PTPRN2: variants seen among roughly 807,000 people sequenced by gnomAD.
PTPRN2 encodes receptor-type tyrosine-protein phosphatase N2.
A neutral mutation model predicts 118.8 loss-of-function variants in PTPRN2; 74 were observed. That is an observed-to-expected ratio of 0.62 (90% CI 0.52 to 0.76). PTPRN2 has a LOEUF of 0.76. Among genes scored for constraint, PTPRN2 ranks in the 30% least tolerant of loss-of-function variants. The pLI, the probability that PTPRN2 is intolerant of heterozygous loss-of-function variation, is 0.00. For synonymous variants in PTPRN2, 641 were observed against 608.0 expected (o/e 1.05, Z -0.80); for missense variants, 1,481 against 1,394.4 (o/e 1.06, Z -0.99).
At chr7:157,631,777 A>G (rs1306353629) in intron 14 of PTPRN2, among the ~76,000 whole-genome samples, 2 of 151,260 alleles carry the variant, frequency 1.3e-5, no homozygotes, top group African/African-American at 4.9e-5. Context: ...GCTTGCAGTG[A>G]GCCGAGATTG....
chr7:158,273,103 G>C (rs1449333229), intron 3 of PTPRN2, among the ~76,000 whole-genome samples: 1 of 149,246 alleles, frequency 6.7e-6, no homozygotes, highest in East Asian at 2.0e-4. Context: ...CCAGGGCTGT[G>C]GGACGAAGGG....
intron 12 of PTPRN2, among the ~76,000 whole-genome samples, chr7:157,851,779 C>T (rs531267277): frequency 2.0e-5 from 3 of 152,228 alleles, no homozygotes; most frequent in Non-Finnish European, 4.4e-5. Context: ...CTCTCACATG[C>T]GGAATTTGGC....
At chr7:158,498,218 C>T (rs893554788) in intron 1 of PTPRN2, among the ~76,000 whole-genome samples, 1 of 152,238 alleles carries the variant, frequency 6.6e-6, no homozygotes, top group African/African-American at 2.4e-5. Flanking sequence ...AAAGAACCAG[C>T]TCACTCCACC....
chr7:157,795,683 G>A (rs542839914), intron 12 of PTPRN2, among the ~76,000 whole-genome samples: 44 of 152,326 alleles, frequency 2.9e-4, no homozygotes. Context: ...AGGAACTTCC[G>A]CCATGGAGGC....
At chr7:157,993,249 G>A (rs898022435) in intron 11 of PTPRN2, among the ~76,000 whole-genome samples, 1 of 151,776 alleles carries the variant, frequency 6.6e-6, no homozygotes, top group Non-Finnish European at 1.5e-5. Context: ...ATATCGGTGC[G>A]TACCTGTCCG....
At position 157,603,948 on chromosome 7, in the gene PTPRN2, C is replaced by A; in HGVS notation, c.2418+54G>T. On this transcript the variant is annotated intron_variant, in intron 16 of 22. Transcript: ENST00000389418. This position sits in a 1 kb window ranked among gnomAD's most constrained non-coding sequence, Gnocchi z 5.4. ...GAGAACCTTCCCACGTGATTTGCCGCGTCCGTGCCACCCAAGGGAAAGCCT... is the reference window on the plus strand; with the variant it reads ...GAGAACCTTCCCACGTGATTTGCCGAGTCCGTGCCACCCAAGGGAAAGCCT... The A allele has an allele frequency of 6.6e-7, 1 of 1,522,992 alleles. No individual in the cohort carries two copies. The highest frequency in any genetic ancestry group is 9.1e-7 in the Non-Finnish European group (1 of 1,099,536). The allele number at this position is 1,522,992 out of a possible 1,614,324, so 94.3% of individuals were successfully genotyped here.
intron 2 of PTPRN2, among the ~76,000 whole-genome samples, chr7:158,414,564 T>C (rs1341301845): frequency 6.6e-6 from 1 of 152,202 alleles, no homozygotes; most frequent in Non-Finnish European, 1.5e-5. Flanking sequence ...AGCCACCCAC[T>C]GAGAATTCCC....
chr7:157,596,162 G>A lies in PTPRN2; in HGVS notation c.2419-847C>T, dbSNP rs758122765. Among the ~76,000 whole-genome samples, 33 of 152,352 alleles carry A rather than the reference G, an allele frequency of 2.2e-4. No individual in the cohort carries two copies. Among genetic ancestry groups the A allele is most frequent in the African/African-American group, 7.0e-4 (29 of 41,594 alleles). ...AGGCCTCATGGACAAACTTGCCAGCGTCCTGGGAGAACGAACTAGCGCTAC... is the reference window on the plus strand; with the variant it reads ...AGGCCTCATGGACAAACTTGCCAGCATCCTGGGAGAACGAACTAGCGCTAC... On this transcript the variant is annotated intron_variant, in intron 16 of 22. Transcript: ENST00000389418. This position sits in a 1 kb window ranked among gnomAD's most constrained non-coding sequence, Gnocchi z 4.2.
At chr7:158,140,941 T>C (rs1231482035) in intron 6 of PTPRN2, among the ~76,000 whole-genome samples, 1 of 152,190 alleles carries the variant, frequency 6.6e-6, no homozygotes, top group African/African-American at 2.4e-5. Flanking sequence ...TTATGTAAAA[T>C]AGCTCATGGC....
intron 3 of PTPRN2, among the ~76,000 whole-genome samples, chr7:158,249,269 C>T (rs1796496810): frequency 6.6e-6 from 1 of 151,650 alleles, no homozygotes; most frequent in Non-Finnish European, 1.5e-5. Context: ...ACGCATCACA[C>T]ACATGCACAC....
chr7:158,076,451 C>T (rs560348999), intron 11 of PTPRN2, among the ~76,000 whole-genome samples: 90 of 152,330 alleles, frequency 5.9e-4, no homozygotes, highest in Admixed American at 5.9e-3. Flanking sequence ...TGGACCAATG[C>T]TGCAGCAGCA....
rs1257395341 is a variant in PTPRN2 at position 158,337,330 on chromosome 7, G to C, written c.164-20398C>G. Among the ~76,000 whole-genome samples the C allele has an allele frequency of 5.7e-4, 67 of 118,314 alleles. 1 individual carries two copies. Among genetic ancestry groups the C allele is most frequent in the Middle Eastern group, 0.012 (2 of 164 alleles). The allele number at this position is 118,314 out of a possible 152,430, so 77.6% of individuals were successfully genotyped here. On this transcript the variant is annotated intron_variant, in intron 2 of 22. Coordinates refer to ENST00000389418, the MANE Select transcript of PTPRN2 (RefSeq NM_002847.5). ...CACAGACATCATTCACACCCACACT[G>C]TCACCCTAAGAGGTGACACCTGCAG...
chr7:158,132,801 G>A (rs868123770), intron 9 of PTPRN2, among the ~76,000 whole-genome samples: 6 of 149,534 alleles, frequency 4.0e-5, no homozygotes, highest in South Asian at 2.1e-4. Flanking sequence ...ACACACATGC[G>A]TATGCAGATA....
intron 3 of PTPRN2, among the ~76,000 whole-genome samples, chr7:158,270,568 G>A (rs908985740): frequency 1.3e-5 from 2 of 152,054 alleles, no homozygotes; most frequent in African/African-American, 2.4e-5. Context: ...TCACAATTGA[G>A]GGCTGAACAC....
At chr7:158,333,793 C>A (rs1456923442) in intron 2 of PTPRN2, among the ~76,000 whole-genome samples, 2 of 149,048 alleles carry the variant, frequency 1.3e-5, no homozygotes, top group Non-Finnish European at 3.0e-5. Flanking sequence ...CACACTCTCA[C>A]CATAAGAGCT....
chr7:157,835,272 A>C (rs1807853534), intron 12 of PTPRN2, among the ~76,000 whole-genome samples: 1 of 152,304 alleles, frequency 6.6e-6, no homozygotes, highest in South Asian at 2.1e-4. Flanking sequence ...AGAAACACAC[A>C]ACACAACGGG....
At chr7:158,025,006 A>C (rs1400477170) in intron 11 of PTPRN2, among the ~76,000 whole-genome samples, 1 of 152,198 alleles carries the variant, frequency 6.6e-6, no homozygotes. Flanking sequence ...GAATGTCAGA[A>C]TAAGCTTTTC....
chr7:157,802,736 C>T (rs747245180), intron 12 of PTPRN2, among the ~76,000 whole-genome samples: 4 of 152,198 alleles, frequency 2.6e-5, no homozygotes, highest in South Asian at 2.1e-4. Context: ...CACCAACACA[C>T]GTCTTTTTGG....
chr7:158,265,474 G>T (rs1342479217), intron 3 of PTPRN2, among the ~76,000 whole-genome samples: 1 of 151,984 alleles, frequency 6.6e-6, no homozygotes, highest in Non-Finnish European at 1.5e-5. Context: ...CACACCTGGA[G>T]GTAGGCACCC....
Sources: allele counts gnomAD v4.1 joint callset (sites outside exome capture counted in the v4.1 genomes callset), GRCh38; gene constraint gnomAD v4.1.1; non-coding constraint Gnocchi (gnomAD v3.1); transcripts MANE v1.5; gene names NCBI Gene and HGNC (gene_info 2026-07-23, HGNC 2026-07-21).